The following RERE variants were observed in gnomAD, a reference collection of about 807,000 sequenced individuals.
RERE encodes the protein arginine-glutamic acid dipeptide repeats.
A neutral mutation model predicts 146.1 loss-of-function variants in RERE; 40 were observed. The observed-to-expected ratio is 0.27, with a 90% CI of 0.21 to 0.36. The LOEUF (loss-of-function observed/expected upper bound fraction) is 0.36, where lower values mean the gene tolerates loss of function less well. RERE is among the 10% of genes least tolerant of loss of function. The pLI is 1.00. For missense variants in RERE, 1,933 were observed against 2,138.7 expected (o/e 0.90, Z 1.90); for synonymous variants, 1,003 against 866.0 (o/e 1.16, Z -2.78).
At chr1:8,612,754 C>T (rs552898139) in intron 4 of RERE, among the ~76,000 whole-genome samples, 23 of 152,212 alleles carry the variant, frequency 1.5e-4, no homozygotes, top group African/African-American at 5.3e-4. Context: ...GGAAATAAGA[C>T]ATATCGGTAA....
At chr1:8,396,523 C>T (rs1294107286) in intron 12 of RERE, among the ~76,000 whole-genome samples, 5 of 152,158 alleles carry the variant, frequency 3.3e-5, no homozygotes, top group South Asian at 2.1e-4. Context: ...ATCTTCATCT[C>T]CTTTTCAGCT....
chr1:8,425,692 C>T (rs1644002271), intron 11 of RERE: 1 of 152,160 alleles, frequency 6.6e-6, no homozygotes, highest in African/African-American at 2.4e-5. Flanking sequence ...TCTAACAGGT[C>T]CAGTAAAAGA....
chr1:8,645,161 C>T (rs1647256295), intron 2 of RERE, among the ~76,000 whole-genome samples: 1 of 152,122 alleles, frequency 6.6e-6, no homozygotes, highest in Non-Finnish European at 1.5e-5. Context: ...ATAGAAGGTG[C>T]TTTAAAACTG....
At chr1:8,437,602 G>C (rs1230904842) in intron 11 of RERE, among the ~76,000 whole-genome samples, 1 of 152,084 alleles carries the variant, frequency 6.6e-6, no homozygotes, top group Non-Finnish European at 1.5e-5. Context: ...CTTTTGTTTG[G>C]AACAATAGCG....
At chr1:8,372,190 C>T (rs976280123) in intron 12 of RERE, among the ~76,000 whole-genome samples, 28 of 152,114 alleles carry the variant, frequency 1.8e-4, no homozygotes, top group African/African-American at 6.8e-4. Flanking sequence ...AGCAAGCATG[C>T]CTGTTTCAAA....
intron 7 of RERE, among the ~76,000 whole-genome samples, chr1:8,518,987 G>A (rs1645455999): frequency 6.6e-6 from 1 of 152,094 alleles, no homozygotes; most frequent in African/African-American, 2.4e-5. Flanking sequence ...CTTCCTATTA[G>A]GATCTCCCAT....
chr1:8,561,165 C>CTCCTA (rs1557687284), intron 4 of RERE, among the ~76,000 whole-genome samples: 1 of 152,166 alleles, frequency 6.6e-6, no homozygotes, highest in East Asian at 1.9e-4. Flanking sequence ...AGATGTATGA[C>CTCCTA]TCCTAATATT....
At chr1:8,805,285 G>A (rs937695821) in intron 1 of RERE, among the ~76,000 whole-genome samples, 1 of 151,994 alleles carries the variant, frequency 6.6e-6, no homozygotes, top group East Asian at 1.9e-4. Context: ...ATCCGAGGTG[G>A]GCGGATTGTC....
At chr1:8,422,578 A>C in intron 12 of RERE, 149 bp downstream of exon 12, 1 of 593,974 alleles carries the variant, frequency 1.7e-6, no homozygotes, top group Non-Finnish European at 3.1e-6. Context: ...ATTAAAAGTC[A>C]AGGGAGTAAA....
chr1:8,470,968 C>T (rs1644676378), intron 10 of RERE, among the ~76,000 whole-genome samples: 1 of 151,192 alleles, frequency 6.6e-6, no homozygotes, highest in African/African-American at 2.4e-5. Flanking sequence ...ACAGGCGCGC[C>T]ACCACACCCA....
At chr1:8,413,231 T>G (rs1299124575) in intron 12 of RERE, among the ~76,000 whole-genome samples, 1 of 152,218 alleles carries the variant, frequency 6.6e-6, no homozygotes, top group Admixed American at 6.5e-5. Context: ...AGGCTTTATA[T>G]TCTATATAAA....
intron 4 of RERE, among the ~76,000 whole-genome samples, chr1:8,598,343 A>C (rs1039188563): frequency 6.6e-6 from 1 of 152,196 alleles, no homozygotes; most frequent in Non-Finnish European, 1.5e-5. Flanking sequence ...TTAACCACCT[A>C]TGAGAAGATG....
intron 1 of RERE, among the ~76,000 whole-genome samples, chr1:8,732,743 T>C (rs1640113579): frequency 6.6e-6 from 1 of 151,608 alleles, no homozygotes; most frequent in Admixed American, 6.6e-5. Flanking sequence ...GGGAACTCTG[T>C]GTGTGTGTCT....
At chr1:8,361,516 A>T (rs572825091) in intron 17 of RERE, 26 bp from the exon 18 acceptor site, 2 of 1,605,162 alleles carry the variant, frequency 1.2e-6, no homozygotes, top group Non-Finnish European at 1.7e-6. Flanking sequence ...GGAAGGATGG[A>T]AGTCCCAGGA....
chr1:8,514,302 T>A (rs1645381872), intron 7 of RERE, among the ~76,000 whole-genome samples: 1 of 152,234 alleles, frequency 6.6e-6, no homozygotes, highest in African/African-American at 2.4e-5. Context: ...TAACTGATAT[T>A]CCATGAAAAA....
chr1:8,572,807 T>G (rs1478470879), intron 4 of RERE, among the ~76,000 whole-genome samples: 3 of 152,230 alleles, frequency 2.0e-5, no homozygotes, highest in African/African-American at 7.2e-5. Context: ...TAGAAAGTTA[T>G]GATGAATGAA....
chr1:8,455,036 G>C (rs1300985072), intron 11 of RERE, among the ~76,000 whole-genome samples: 1 of 152,022 alleles, frequency 6.6e-6, no homozygotes, highest in Non-Finnish European at 1.5e-5. Context: ...ATAGGAAAGA[G>C]AAGAGCCTGG....
intron 10 of RERE, among the ~76,000 whole-genome samples, chr1:8,478,259 C>T (rs1243070585): frequency 1.3e-5 from 2 of 152,126 alleles, no homozygotes; most frequent in Non-Finnish European, 2.9e-5. Flanking sequence ...CTTTTGTTAA[C>T]GGACACCAGT....
intron 11 of RERE, among the ~76,000 whole-genome samples, chr1:8,441,989 C>G (rs1026386868): frequency 2.0e-5 from 3 of 149,784 alleles, no homozygotes; most frequent in African/African-American, 7.3e-5. Flanking sequence ...ACTGGACTTT[C>G]AAACATAAAA....
Sources: gnomAD v4.1 joint callset for allele counts (sites outside exome capture counted in the v4.1 genomes callset) on GRCh38, gnomAD v4.1.1 for gene constraint, MANE v1.5 for transcripts, NCBI Gene and HGNC (gene_info 2026-07-23, HGNC 2026-07-21) for gene names.